Variants in DPP10 observed in about 807,000 individuals in gnomAD.
DPP10 encodes the protein inactive dipeptidyl peptidase 10.
A neutral mutation model predicts 120.9 loss-of-function variants in DPP10; 33 were observed. The ratio of observed to expected loss-of-function variants is 0.27; its 90% confidence interval spans 0.21 to 0.37. The LOEUF is 0.37. Ranked by LOEUF, DPP10 falls within the 10% of genes least tolerant of loss-of-function variation. The pLI, the probability that DPP10 is intolerant of heterozygous loss-of-function variation, is 1.00. For missense variants in DPP10, 816 were observed against 942.8 expected, an observed-to-expected ratio of 0.87 and a Z score of 1.76; for synonymous variants, 337 against 326.1, an observed-to-expected ratio of 1.03 and a Z score of -0.36.
intron 1 of DPP10, among the ~76,000 whole-genome samples, chr2:114,914,270 A>T (rs769006201): frequency 6.6e-6 from 1 of 152,216 alleles, no homozygotes; most frequent in Non-Finnish European, 1.5e-5. Flanking sequence ...GTATTCTCCA[A>T]GGTCAATGCA....
intron 21 of DPP10, among the ~76,000 whole-genome samples, chr2:115,822,760 C>T (rs1260659269): frequency 6.6e-6 from 1 of 151,822 alleles, no homozygotes; most frequent in African/African-American, 2.4e-5. Flanking sequence ...ACTTCTCATC[C>T]TCCTTAAACA....
At chr2:114,583,045 T>G (rs920304310) in intron 1 of DPP10, among the ~76,000 whole-genome samples, 3 of 152,180 alleles carry the variant, frequency 2.0e-5, no homozygotes, top group African/African-American at 7.2e-5. Context: ...AGGAAGCACT[T>G]TGAGAACACT....
At chr2:115,416,098 T>G (rs1241627266) in intron 3 of DPP10, among the ~76,000 whole-genome samples, 2 of 151,946 alleles carry the variant, frequency 1.3e-5, no homozygotes, top group Non-Finnish European at 2.9e-5. Flanking sequence ...CTACAGGGTG[T>G]CCTTCAATAC....
chr2:114,617,935 G>A (rs911018079), intron 1 of DPP10, among the ~76,000 whole-genome samples: 2 of 152,002 alleles, frequency 1.3e-5, no homozygotes, highest in African/African-American at 2.4e-5. Flanking sequence ...CCAGTCAACC[G>A]GCTGGTTAGA....
intron 3 of DPP10, among the ~76,000 whole-genome samples, chr2:115,349,581 T>C (rs1228155697): frequency 6.6e-6 from 1 of 152,070 alleles, no homozygotes; most frequent in Non-Finnish European, 1.5e-5. Context: ...TGTTAATAAA[T>C]GCGCTGGGAG....
Position 115,045,386 on chromosome 2 carries a change from C to A in DPP10, c.61-263853C>A, listed in dbSNP as rs556044348. 5.3e-5 allele frequency among the ~76,000 whole-genome samples: 8 copies of A among 152,182 alleles called. No individual in the cohort carries two copies. The South Asian group carries it at 1.7e-3, about 32-fold the overall frequency. ...CTTTGTGAGTTTGCTTATTAAATAT[C>A]TTGAGGTAATCTTATTTGGGTTAAA... On this transcript the variant is annotated intron_variant, in intron 1 of 25. Transcript: ENST00000410059.
At chr2:114,896,720 C>G (rs1365315873) in intron 1 of DPP10, among the ~76,000 whole-genome samples, 1 of 151,984 alleles carries the variant, frequency 6.6e-6, no homozygotes, top group East Asian at 1.9e-4. Flanking sequence ...AATTGAATAC[C>G]CTTTATTTCC....
intron 1 of DPP10, among the ~76,000 whole-genome samples, chr2:115,164,009 A>G (rs1559169087): frequency 1.3e-5 from 2 of 152,218 alleles, no homozygotes; most frequent in Non-Finnish European, 2.9e-5. Context: ...TTTAATAGCC[A>G]CTTCAAATAT....
At chr2:114,953,608 C>T (rs1697960539) in intron 1 of DPP10, among the ~76,000 whole-genome samples, 1 of 152,002 alleles carries the variant, frequency 6.6e-6, no homozygotes, top group Admixed American at 6.6e-5. Context: ...CTCCCATTAA[C>T]TTATAAAGAT....
At position 115,805,507 on chromosome 2, in the gene DPP10, C is replaced by T. The variant is rs186412821; in HGVS notation, c.1701-9286C>T. Among the ~76,000 whole-genome samples the T allele has an allele frequency of 6.2e-3, 937 of 151,882 alleles. 14 individuals are homozygous for T. Among genetic ancestry groups the T allele is most frequent in the African/African-American group, 0.018 (737 of 41,430 alleles). ...CTCAGCTGGAAATGCAGAAATCACC[C>T]GTCTTCTGCGTGGCTCAGGCAGGGA... On this transcript the variant is annotated intron_variant, in intron 19 of 25. Transcript: ENST00000410059.
At chr2:114,676,682 A>G (rs1372234238) in intron 1 of DPP10, among the ~76,000 whole-genome samples, 1 of 152,106 alleles carries the variant, frequency 6.6e-6, no homozygotes, top group Admixed American at 6.6e-5. Flanking sequence ...ACAAGCACCT[A>G]TATTTTGATA....
At chr2:114,881,510 G>GTCTA (rs1013353940) in intron 1 of DPP10, among the ~76,000 whole-genome samples, 1 of 129,088 alleles carries the variant, frequency 7.7e-6, no homozygotes, top group Admixed American at 8.0e-5. Context: ...CTGTCTGTCT[G>GTCTA]TCTATCTATC....
At chr2:114,719,248 T>C (rs1291052474) in intron 1 of DPP10, among the ~76,000 whole-genome samples, 1 of 152,236 alleles carries the variant, frequency 6.6e-6, no homozygotes, top group East Asian at 1.9e-4. Flanking sequence ...TTGTTAAATC[T>C]AGTAAGTTCC....
At chr2:114,619,416 C>G (rs982243945) in intron 1 of DPP10, among the ~76,000 whole-genome samples, 12 of 149,060 alleles carry the variant, frequency 8.1e-5, no homozygotes, top group African/African-American at 1.8e-4. Context: ...TGTGTGTACA[C>G]ACACATATAG....
chr2:115,696,909 A>G (rs1383472437), intron 7 of DPP10, among the ~76,000 whole-genome samples: 1 of 152,192 alleles, frequency 6.6e-6, no homozygotes, highest in African/African-American at 2.4e-5. Context: ...TGTACAATAT[A>G]CAAATATGTA....
chr2:115,457,514 C>T (rs909106458), intron 3 of DPP10, among the ~76,000 whole-genome samples: 2 of 152,066 alleles, frequency 1.3e-5, no homozygotes, highest in African/African-American at 4.8e-5. Flanking sequence ...CAAAACAAAT[C>T]AGGCGAGAGA....
At chr2:115,593,598 G>A (rs1175531058) in intron 5 of DPP10, among the ~76,000 whole-genome samples, 1 of 152,068 alleles carries the variant, frequency 6.6e-6, no homozygotes, top group East Asian at 1.9e-4. Flanking sequence ...TTAGTTTGGA[G>A]ACTTGTAACA....
At chr2:115,612,463 T>C (rs902316433) in intron 5 of DPP10, among the ~76,000 whole-genome samples, 1 of 152,300 alleles carries the variant, frequency 6.6e-6, no homozygotes, top group Admixed American at 6.5e-5. Context: ...GCATGCGAAA[T>C]CTACTAAAAA....
intron 5 of DPP10, among the ~76,000 whole-genome samples, chr2:115,680,396 A>G (rs1331225869): frequency 6.6e-6 from 1 of 152,004 alleles, no homozygotes; most frequent in Non-Finnish European, 1.5e-5. Context: ...GAAAAGGCAA[A>G]CAAATAAATA....
Sources: gnomAD v4.1 joint callset for allele counts (sites outside exome capture counted in the v4.1 genomes callset) on GRCh38, gnomAD v4.1.1 for gene constraint, MANE v1.5 for transcripts, NCBI Gene and HGNC (gene_info 2026-07-23, HGNC 2026-07-21) for gene names.